Variants in ADGRA2 observed in about 807,000 individuals in gnomAD.
ADGRA2 encodes G-protein coupled receptor 124.
ADGRA2 carries 61 observed loss-of-function variants against 98.7 expected under a neutral mutation model. The observed-to-expected ratio is 0.62, with a 90% CI of 0.50 to 0.76. The LOEUF (loss-of-function observed/expected upper bound fraction) is 0.76. Among genes scored for constraint, ADGRA2 ranks in the 30% least tolerant of loss-of-function variants. The pLI, the probability that ADGRA2 is intolerant of heterozygous loss-of-function variation, is 0.00. For missense variants in ADGRA2, 1,712 were observed against 1,860.0 expected (o/e 0.92, Z 1.46); for synonymous variants, 858 against 831.5 (o/e 1.03, Z -0.55).
chr8:37,840,018 G>A (rs573762856), intron 16 of ADGRA2, 103 bp from the exon 17 acceptor site: 12 of 1,104,032 alleles, frequency 1.1e-5, no homozygotes, highest in Non-Finnish European at 1.5e-5. Flanking sequence ...AAAAAGCTGG[G>A]GGCCGGAGGC....
At position 37,833,856 on chromosome 8, in the gene ADGRA2, TCA is replaced by T. The variant is rs772924636; in HGVS notation, c.1446+20_1446+21del. 3 of 1,612,468 alleles carry T rather than the reference TCA, an allele frequency of 1.9e-6. No homozygotes were observed. In the African/African-American group the frequency reaches 4.0e-5, roughly 22 times the overall value. On this transcript the variant is annotated intron_variant, in intron 10 of 18. Transcript: ENST00000412232. ...CAAAGAGGTGAGACTCAGCTGGAAC[TCA>T]GGAGCTCGGAAAACGCCCCCATCCC...
At chr8:37,835,834 A>T (rs1228474873) in intron 13 of ADGRA2, 64 bp downstream of exon 13, 15 of 1,016,976 alleles carry the variant, frequency 1.5e-5, no homozygotes, top group Non-Finnish European at 2.0e-5. Context: ...GTTCCCCTTT[A>T]TCCTGCCCTT....
rs1805578152 is a variant in ADGRA2, at chr8:37,835,362, G to A, written c.1797G>A (p.Gly599=). 6.2e-7 allele frequency: 1 copy of A among 1,612,544 alleles called. No homozygotes were observed. The highest frequency in any genetic ancestry group is 8.5e-7 in the Non-Finnish European group (1 of 1,179,944). ...AGCTCCGCTTCCGCTGCACCACCGG[G>A]AGGCCCAATGTTTCTCTGTCGTCCT... ...DQQLRFRCTT[G]RPNVSLSSFH... is the part of the protein sequence containing the mutation. The change falls in exon 12 of 19, where the codon GGG becomes GGA. Residue 599 remains glycine (G), a synonymous_variant. Transcript: ENST00000412232.
chr8:37,817,829 C>T (rs1170851947), intron 2 of ADGRA2, among the ~76,000 whole-genome samples: 1 of 152,126 alleles, frequency 6.6e-6, no homozygotes, highest in African/African-American at 2.4e-5. Context: ...CCAGCCTGGC[C>T]AACATGGTGA....
intron 1 of ADGRA2, among the ~76,000 whole-genome samples, chr8:37,809,296 C>T (rs1163229269): frequency 7.4e-6 from 1 of 135,740 alleles, no homozygotes; most frequent in Non-Finnish European, 1.6e-5. Context: ...ACTTGTCTCT[C>T]TTAAAAAAAA....
At chr8:37,807,874 C>A (rs1264315435) in intron 1 of ADGRA2, among the ~76,000 whole-genome samples, 1 of 152,184 alleles carries the variant, frequency 6.6e-6, no homozygotes, top group Non-Finnish European at 1.5e-5. Context: ...AGGGGGCTGA[C>A]ATGCATGACT....
intron 1 of ADGRA2, among the ~76,000 whole-genome samples, chr8:37,807,272 T>C (rs1804701498): frequency 6.6e-6 from 1 of 152,190 alleles, no homozygotes; most frequent in African/African-American, 2.4e-5. Context: ...GCTAAATGCA[T>C]GTGAAGGCAG....
At position 37,841,831 on chromosome 8, in the gene ADGRA2, C is replaced by A; in HGVS notation, c.3493C>A (p.Arg1165=). 1 of 1,530,818 alleles carries A rather than the reference C, an allele frequency of 6.5e-7. No homozygotes were observed. The allele number at this position is 1,530,818 out of a possible 1,614,324, so 94.8% of individuals were successfully genotyped here. A position where few individuals can be genotyped will look rare whatever the true frequency, so the allele number is the denominator to read the frequency against. ...AGGAGAGCCGGAGCCGGCGGGCACC[C>A]GGGGAAACCTCGCCCACCGCCACCC... The part of the protein sequence containing the change: ...GEGEPEPAGT[R]GNLAHRHPNN... The change falls in exon 19 of 19, where the codon CGG becomes AGG. Residue 1165 remains arginine, a synonymous_variant. Coordinates refer to ENST00000412232, the MANE Select transcript of ADGRA2 (RefSeq NM_032777.10). The surrounding 1 kb of genome is among the most constrained non-coding windows in gnomAD (Gnocchi z 5.0).
At chr8:37,805,644 T>C (rs1585966118) in intron 1 of ADGRA2, among the ~76,000 whole-genome samples, 1 of 151,570 alleles carries the variant, frequency 6.6e-6, no homozygotes, top group African/African-American at 2.4e-5. Context: ...CCGAGGTGGG[T>C]GGATCACGAG....
chr8:37,811,119 CAAAAAA>C (rs1158782949), intron 1 of ADGRA2, among the ~76,000 whole-genome samples: 4 of 68,626 alleles, frequency 5.8e-5, no homozygotes, highest in Non-Finnish European at 5.3e-5. Context: ...GTCTCAAAAA[CAAAAAA>C]AAAAAAAAAA....
Position 37,814,708 on chromosome 8 carries a change from G to A in ADGRA2, c.267-188G>A, listed in dbSNP as rs1031477206. On this transcript the variant is annotated intron_variant, in intron 1 of 18. Coordinates refer to ENST00000412232, the MANE Select transcript of ADGRA2 (RefSeq NM_032777.10). The surrounding 1 kb of genome is among the most constrained non-coding windows in gnomAD (Gnocchi z 4.3). ...GAGACTCAGGGCAGGAAGGTCTGAC[G>A]TGGGGCTGGGTGGACCGTTGGCCAG... Among the ~76,000 whole-genome samples the A allele has an allele frequency of 6.6e-6, 1 of 152,214 alleles. No homozygotes were observed. The highest frequency in any genetic ancestry group is 1.9e-4 in the East Asian group (1 of 5,186).
At chr8:37,809,494 T>A (rs1804766586) in intron 1 of ADGRA2, among the ~76,000 whole-genome samples, 1 of 152,036 alleles carries the variant, frequency 6.6e-6, no homozygotes, top group Admixed American at 6.6e-5. Flanking sequence ...GGCCAAAAGA[T>A]CCAACCCTGG....
rs148043425 is a variant in ADGRA2 at position 37,808,241 on chromosome 8, G to A, written c.267-6655G>A. Among the ~76,000 whole-genome samples, 643 of 152,318 alleles carry A rather than the reference G, an allele frequency of 4.2e-3. 3 individuals carry two copies. Among genetic ancestry groups the A allele is most frequent in the African/African-American group, 0.015 (611 of 41,572 alleles). On this transcript the variant is annotated intron_variant, in intron 1 of 18. Transcript: ENST00000412232. ...TTGACATTAGGAGTGGGAGAAGGGC[G>A]TGGGAGGGAGGGAAGAAAGAAGCCG... is the stretch of plus-strand genomic sequence containing the variant.
intron 2 of ADGRA2, among the ~76,000 whole-genome samples, chr8:37,815,806 G>T (rs1804962908): frequency 6.6e-6 from 1 of 152,154 alleles, no homozygotes; most frequent in Non-Finnish European, 1.5e-5. Flanking sequence ...CACCTGCTCC[G>T]TCGGTACAAT....
chr8:37,836,797 C>T (rs762242679), intron 13 of ADGRA2, among the ~76,000 whole-genome samples: 14 of 152,294 alleles, frequency 9.2e-5, no homozygotes, highest in Middle Eastern at 6.8e-3. Context: ...AGGGTCCTAG[C>T]GATGTGGCTG....
chr8:37,833,460 C>T (rs1293024863), intron 9 of ADGRA2, among the ~76,000 whole-genome samples: 2 of 152,212 alleles, frequency 1.3e-5, no homozygotes, highest in African/African-American at 4.8e-5. Flanking sequence ...TACTCACCAA[C>T]GCCAAAAGCA....
chr8:37,824,067 T>C (rs1286889098), intron 2 of ADGRA2, among the ~76,000 whole-genome samples: 1 of 152,150 alleles, frequency 6.6e-6, no homozygotes, highest in Non-Finnish European at 1.5e-5. Context: ...GTTTCACTCT[T>C]GCTGCCCAAG....
intron 1 of ADGRA2, among the ~76,000 whole-genome samples, chr8:37,813,055 G>A (rs1213504349): frequency 6.6e-6 from 1 of 152,006 alleles, no homozygotes; most frequent in Non-Finnish European, 1.5e-5. Context: ...GAGTGAGGCA[G>A]GCTTTGACTT....
Position 37,837,823 on chromosome 8 carries a change from C to T in ADGRA2, c.2143C>T (p.Gln715Ter). ...GAEPVAAWWS[Q>*]EGPGEAGGWT... ...CGAACCTGTGGCCGCTTGGTGGAGC[C>T]AGGAGGGGCCCGGGGAGGCTGGGGG... The change falls in exon 14 of 19, where the codon CAG becomes TAG. Residue 715 changes from glutamine to a stop codon, truncating the protein, a stop_gained. Coordinates refer to ENST00000412232, the MANE Select transcript of ADGRA2 (RefSeq NM_032777.10). LOFTEE classifies it high-confidence loss of function. 3.9e-6 allele frequency: 6 copies of T among 1,538,544 alleles called. No individual in the cohort carries two copies. The highest frequency in any genetic ancestry group is 5.3e-6 in the Non-Finnish European group (6 of 1,140,800).
Sources: gnomAD v4.1 joint callset for allele counts (sites outside exome capture counted in the v4.1 genomes callset) on GRCh38, gnomAD v4.1.1 for gene constraint, Gnocchi (gnomAD v3.1) non-coding constraint, MANE v1.5 for transcripts, NCBI Gene and HGNC (gene_info 2026-07-23, HGNC 2026-07-21) for gene names.